LZIC: variants seen among roughly 807,000 people sequenced by gnomAD.
The protein encoded by LZIC is leucine zipper and CTNNBIP1 domain containing.
LZIC carries 28 observed loss-of-function variants against 25.4 expected under a neutral mutation model. The ratio of observed to expected loss-of-function variants is 1.10; its 90% confidence interval spans 0.82 to 1.51. LZIC has a LOEUF of 1.51. Among genes scored for constraint, LZIC ranks in the 40% most tolerant of loss-of-function variants. The pLI is 0.00. For missense variants in LZIC, 170 were observed against 211.1 expected (o/e 0.81, Z 1.21); for synonymous variants, 65 against 70.7 (o/e 0.92, Z 0.40).
In LZIC at chr1:9,932,879, A is replaced by C; in HGVS notation, c.356T>G (p.Val119Gly). Residue 119 changes from valine (V) to glycine (G), a missense_variant, in exon 6 of 8, where the codon GTA becomes GGA. Val to Gly is a moderately radical substitution (Grantham distance 109, BLOSUM62 -3). Coordinates refer to ENST00000377223, the MANE Select transcript of LZIC (RefSeq NM_032368.5). ...GTACAGGTCTCTTTCCAGCTTTCCT[A>C]CCATCAGATCTCTATCCATCTAAAA... ...RLAEMDRDLM[V>G]GKLERDLYTQ... is the part of the protein sequence containing the mutation. The C allele has an allele frequency of 2.5e-6, 4 of 1,610,834 alleles. No individual in the cohort carries two copies. Among genetic ancestry groups the C allele is most frequent in the Non-Finnish European group, 3.4e-6 (4 of 1,177,356 alleles).
chr1:9,934,658 G>A (rs1640376130), intron 5 of LZIC, 104 bp downstream of exon 5: 2 of 872,836 alleles, frequency 2.3e-6, no homozygotes, highest in Non-Finnish European at 3.8e-6. Flanking sequence ...GTTAGTTGTG[G>A]CTCTAAAATC....
At chr1:9,937,372 G>A (rs559834480) in intron 2 of LZIC, among the ~76,000 whole-genome samples, 2 of 147,354 alleles carry the variant, frequency 1.4e-5, no homozygotes, top group Non-Finnish European at 3.0e-5. Context: ...CTGCCTGGGC[G>A]ACAGAGCAAG....
In LZIC at chr1:9,929,721, G is replaced by T; in HGVS notation, c.*678C>A. ...TTACAGGCTGGGGGATGGTCCCTTAGTGTGCAGTCCACTTTTTATTGGGAC... is the reference window on the plus strand; with the variant it reads ...TTACAGGCTGGGGGATGGTCCCTTATTGTGCAGTCCACTTTTTATTGGGAC... On this transcript the variant is annotated 3_prime_UTR_variant, in exon 8 of 8. Transcript: ENST00000377223. 1 of 985,450 alleles carries T rather than the reference G, an allele frequency of 1.0e-6. No homozygotes were observed. The highest frequency in any genetic ancestry group is 1.2e-6 in the Non-Finnish European group (1 of 829,946). 61.0% of individuals were successfully genotyped at this position (985,450 alleles called of 1,614,324 possible). A position where few individuals can be genotyped will look rare whatever the true frequency, so the allele number is the denominator to read the frequency against.
At chr1:9,941,356 A>G (rs571392813) in intron 2 of LZIC, among the ~76,000 whole-genome samples, 1 of 151,794 alleles carries the variant, frequency 6.6e-6, no homozygotes, top group African/African-American at 2.4e-5. Context: ...CACCACGCTC[A>G]GCTGATTTTT....
chr1:9,932,299 C>T (rs573599341), intron 6 of LZIC: 16 of 196,442 alleles, frequency 8.1e-5, no homozygotes, highest in South Asian at 7.6e-4. Context: ...GGGCTGAGAT[C>T]GACCCACTGC....
chr1:9,941,139 T>C (rs1052591688), intron 2 of LZIC, among the ~76,000 whole-genome samples: 2 of 152,076 alleles, frequency 1.3e-5, no homozygotes, highest in African/African-American at 4.8e-5. Flanking sequence ...AATCACTAGG[T>C]TGTGAATTAT....
intron 2 of LZIC, among the ~76,000 whole-genome samples, chr1:9,942,222 C>T (rs1206420163): frequency 6.6e-6 from 1 of 152,112 alleles, no homozygotes; most frequent in Non-Finnish European, 1.5e-5. Flanking sequence ...CAGCTCAAAT[C>T]TTATTCTCTA....
chr1:9,939,154 T>C (rs2101608126), intron 2 of LZIC, among the ~76,000 whole-genome samples: 1 of 152,276 alleles, frequency 6.6e-6, no homozygotes, highest in East Asian at 1.9e-4. Flanking sequence ...TTCGGCTCAC[T>C]GCAACCTCCA....
At chr1:9,933,334 T>TA (rs970906507) in intron 5 of LZIC, among the ~76,000 whole-genome samples, 31 of 139,642 alleles carry the variant, frequency 2.2e-4, no homozygotes, top group East Asian at 8.7e-4. Context: ...ACGTACTTCT[T>TA]AAAAAAAAAT....
chr1:9,929,664 G>A lies in LZIC; in HGVS notation c.*735C>T, dbSNP rs910050113. ...CCCATTGTTCCAACCTCAAAATTCCGAGATACAACGGGCCCCATTAATACA... is the reference window on the plus strand; with the variant it reads ...CCCATTGTTCCAACCTCAAAATTCCAAGATACAACGGGCCCCATTAATACA... On this transcript the variant is annotated 3_prime_UTR_variant, in exon 8 of 8. Transcript: ENST00000377223. 6.1e-6 allele frequency: 6 copies of A among 985,268 alleles called. No individual in the cohort carries two copies. Among genetic ancestry groups the A allele is most frequent in the South Asian group, 4.7e-5 (1 of 21,286 alleles). The allele number at this position is 985,268 out of a possible 1,614,324, so 61.0% of individuals were successfully genotyped here. A position where few individuals can be genotyped will look rare whatever the true frequency, so the allele number is the denominator to read the frequency against.
Position 9,943,297 on chromosome 1 carries a change from GC to G in LZIC, c.-217del, listed in dbSNP as rs1292336046. ...CTTAGGCCCCCGGGATTCCCCCTGT[GC>G]CGCCTGACCGCCCGCCAGTCCCAGA... On this transcript the variant is annotated 5_prime_UTR_variant, in exon 1 of 8. Coordinates refer to ENST00000377223, the MANE Select transcript of LZIC (RefSeq NM_032368.5). 6.5e-6 allele frequency: 1 copy of G among 154,450 alleles called. No individual in the cohort carries two copies. The highest frequency in any genetic ancestry group is 2.4e-5 in the African/African-American group (1 of 41,480). The allele number at this position is 154,450 out of a possible 1,614,324, so 9.6% of individuals were successfully genotyped here.
intron 1 of LZIC, 176 bp downstream of exon 1, chr1:9,943,073 C>G (rs1015026448): frequency 2.6e-5 from 7 of 266,466 alleles, no homozygotes; most frequent in Non-Finnish European, 5.4e-5. Context: ...GAGGGTTTGG[C>G]CCAGAACCAA....
chr1:9,936,857 G>A (rs998297657), intron 2 of LZIC, among the ~76,000 whole-genome samples: 3 of 152,128 alleles, frequency 2.0e-5, no homozygotes, highest in South Asian at 2.1e-4. Context: ...GCGGCCAGGC[G>A]CCGGTGGCTC....
rs149715018 is a variant in LZIC, at chr1:9,928,751, T to C, written c.*1648A>G. Among the ~76,000 whole-genome samples, 2,517 of 150,992 alleles carry C rather than the reference T, an allele frequency of 0.017. 66 individuals carry two copies. Among genetic ancestry groups the C allele is most frequent in the African/African-American group, 0.056 (2,307 of 41,120 alleles). ...ATTAGCTGGGCGTGGTGGTACACACTAGTAATCCCAGCTACTTGGGAAGCT... is the reference window on the plus strand; with the variant it reads ...ATTAGCTGGGCGTGGTGGTACACACCAGTAATCCCAGCTACTTGGGAAGCT... On this transcript the variant is annotated 3_prime_UTR_variant, in exon 8 of 8. Coordinates refer to ENST00000377223, the MANE Select transcript of LZIC (RefSeq NM_032368.5).
Position 9,928,424 on chromosome 1 carries a change from G to A in LZIC, c.*1975C>T, listed in dbSNP as rs111522342. On this transcript the variant is annotated 3_prime_UTR_variant, in exon 8 of 8. Transcript: ENST00000377223. ...TTCAAACAAATATTTGTACACAAATGTTCACTGAAGCATTATTCACAATAG... is the reference window on the plus strand; with the variant it reads ...TTCAAACAAATATTTGTACACAAATATTCACTGAAGCATTATTCACAATAG... 6.6e-6 allele frequency among the ~76,000 whole-genome samples: 1 copy of A among 152,086 alleles called. No homozygotes were observed. The highest frequency in any genetic ancestry group is 6.5e-5 in the Admixed American group (1 of 15,270).
In LZIC at chr1:9,926,534, A is replaced by G. The variant is rs1462976759; in HGVS notation, c.*3865T>C. On this transcript the variant is annotated 3_prime_UTR_variant, in exon 8 of 8. Coordinates refer to ENST00000377223, the MANE Select transcript of LZIC (RefSeq NM_032368.5). ...GAACAATTCCTCATTCTGTTACTTG[A>G]TTTCTTCCTTTACCACCCACATAAA... 6.6e-6 allele frequency among the ~76,000 whole-genome samples: 1 copy of G among 152,206 alleles called. No homozygotes were observed. The highest frequency in any genetic ancestry group is 1.5e-5 in the Non-Finnish European group (1 of 68,038).
intron 7 of LZIC, among the ~76,000 whole-genome samples, chr1:9,931,259 T>A (rs1360070209): frequency 6.6e-6 from 1 of 151,866 alleles, no homozygotes; most frequent in Non-Finnish European, 1.5e-5. Flanking sequence ...ATTTTGTTTA[T>A]TTATTCATTT....
At chr1:9,930,737 G>T (rs1056422935) in intron 7 of LZIC, among the ~76,000 whole-genome samples, 1 of 151,812 alleles carries the variant, frequency 6.6e-6, no homozygotes, top group African/African-American at 2.4e-5. Flanking sequence ...TTATTTTTTT[G>T]AGATGGAGTT....
At chr1:9,924,854 C>G (rs2101571884), downstream of LZIC, among the ~76,000 whole-genome samples, 1 of 152,230 alleles carries the variant, frequency 6.6e-6, no homozygotes, top group East Asian at 1.9e-4. Context: ...AGTACCTGAC[C>G]TGCTACGATG....
Sources: gnomAD v4.1 joint callset for allele counts (sites outside exome capture counted in the v4.1 genomes callset) on GRCh38, gnomAD v4.1.1 for gene constraint, MANE v1.5 for transcripts, NCBI Gene and HGNC (gene_info 2026-07-23, HGNC 2026-07-21) for gene names.